The following SNX25 variants were observed in gnomAD, a reference collection of about 807,000 sequenced individuals.
SNX25 encodes the protein sorting nexin 25, also known as sorting nexin-25.
Under a neutral mutation model 113.7 loss-of-function variants are expected in SNX25, and 62 were observed. That is an observed-to-expected ratio of 0.55 (90% CI 0.44 to 0.67). The LOEUF (loss-of-function observed/expected upper bound fraction) is 0.67. Ranked by LOEUF, SNX25 falls within the 30% of genes least tolerant of loss-of-function variation. SNX25 has a pLI of 0.00. For synonymous variants in SNX25, 421 were observed against 436.2 expected (o/e 0.97, Z 0.43); for missense variants, 1,014 against 1,161.0 (o/e 0.87, Z 1.84).
chr4:185,263,233 G>GT (rs200770912), intron 3 of SNX25, among the ~76,000 whole-genome samples: 65 of 151,212 alleles, frequency 4.3e-4, no homozygotes, highest in South Asian at 1.7e-3. Flanking sequence ...TGTAAAAGTG[G>GT]TTTTTTTTTC....
At chr4:185,347,970 A>T (rs944055951) in intron 13 of SNX25, among the ~76,000 whole-genome samples, 7 of 151,830 alleles carry the variant, frequency 4.6e-5, no homozygotes, top group Admixed American at 2.0e-4. Context: ...CCACTTTATC[A>T]TTTTTTTTAT....
chr4:185,307,784 T>C (rs1160994732), intron 6 of SNX25, among the ~76,000 whole-genome samples: 1 of 152,190 alleles, frequency 6.6e-6, no homozygotes, highest in African/African-American at 2.4e-5. Flanking sequence ...TATTTATTTA[T>C]TTATTTTGCT....
chr4:185,271,813 A>G (rs1748970531), intron 5 of SNX25, among the ~76,000 whole-genome samples: 1 of 152,254 alleles, frequency 6.6e-6, no homozygotes, highest in Non-Finnish European at 1.5e-5. Flanking sequence ...GTTAGGGCGG[A>G]ATGCGCTAAA....
intron 2 of SNX25, among the ~76,000 whole-genome samples, chr4:185,250,066 TTTATC>T (rs1336883510): frequency 1.3e-5 from 2 of 152,324 alleles, no homozygotes; most frequent in Non-Finnish European, 2.9e-5. Context: ...TCTAGATTCT[TTTATC>T]TTCCTCTGAA....
intron 1 of SNX25, among the ~76,000 whole-genome samples, chr4:185,228,875 T>C (rs1214617588): frequency 6.6e-6 from 1 of 152,118 alleles, no homozygotes; most frequent in East Asian, 1.9e-4. Flanking sequence ...TTATCCCCAT[T>C]GTATGGATCA....
intron 9 of SNX25, among the ~76,000 whole-genome samples, chr4:185,330,314 C>T (rs758417490): frequency 6.6e-6 from 1 of 152,090 alleles, no homozygotes; most frequent in Non-Finnish European, 1.5e-5. Context: ...TGGCATGTCT[C>T]TGGTCAGGGA....
intron 4 of SNX25, among the ~76,000 whole-genome samples, chr4:185,266,312 T>C (rs115512049): frequency 0.028 from 4,289 of 152,244 alleles, 186 homozygotes; most frequent in African/African-American, 0.099. Flanking sequence ...TTGAGCCTTA[T>C]AAAATAAGTA....
At chr4:185,361,876 T>C in intron 16 of SNX25, 48 bp from the exon 17 acceptor site, 1 of 1,587,118 alleles carries the variant, frequency 6.3e-7, no homozygotes. Flanking sequence ...GAGAATAGAG[T>C]ACACAATTTT....
intron 1 of SNX25, among the ~76,000 whole-genome samples, chr4:185,234,773 C>T (rs1426115567): frequency 6.6e-6 from 1 of 152,062 alleles, no homozygotes; most frequent in East Asian, 1.9e-4. Context: ...TGTTAAAGCA[C>T]TTTTATGTGC....
intron 7 of SNX25, among the ~76,000 whole-genome samples, chr4:185,318,603 C>T (rs2095093937): frequency 6.6e-6 from 1 of 151,894 alleles, no homozygotes; most frequent in South Asian, 2.1e-4. Context: ...TTTGTAGATC[C>T]CTCCAATAGA....
chr4:185,272,423 G>A (rs553808295), intron 5 of SNX25, among the ~76,000 whole-genome samples: 10 of 152,228 alleles, frequency 6.6e-5, no homozygotes, highest in African/African-American at 9.6e-5. Context: ...TTATAAATGC[G>A]CGGACAGCTT....
chr4:185,223,398 A>G (rs896558053), intron 1 of SNX25, among the ~76,000 whole-genome samples: 2 of 152,216 alleles, frequency 1.3e-5, no homozygotes, highest in African/African-American at 2.4e-5. Flanking sequence ...GGTGCAGTTC[A>G]ACATGCTCCT....
Position 185,329,208 on chromosome 4 carries a change from C to T in SNX25, c.1750-3387C>T, listed in dbSNP as rs183675593. Among the ~76,000 whole-genome samples the T allele has an allele frequency of 3.9e-5, 6 of 152,184 alleles. No homozygotes were observed. The East Asian group carries it at 5.8e-4, about 15-fold the overall frequency. On this transcript the variant is annotated intron_variant, in intron 9 of 18. Coordinates refer to ENST00000652585, the MANE Select transcript of SNX25 (RefSeq NM_001378034.2). ...GTCAAAGGTGCCGTTTTCAGGCCAT[C>T]GGTTGTCATTATCTAATTTATATTG...
chr4:185,303,697 C>G (rs1754038583), intron 6 of SNX25, among the ~76,000 whole-genome samples: 1 of 149,808 alleles, frequency 6.7e-6, no homozygotes, highest in South Asian at 2.1e-4. Flanking sequence ...GCAGGGCACA[C>G]AGTGGGCACA....
intron 1 of SNX25, among the ~76,000 whole-genome samples, chr4:185,225,366 C>T (rs574983504): frequency 7.9e-5 from 12 of 152,254 alleles, no homozygotes; most frequent in African/African-American, 2.4e-4. Flanking sequence ...CCTCGTGATC[C>T]GCCCACCTCG....
In SNX25 at chr4:185,308,497, T is replaced by C. The variant is rs981966773; in HGVS notation, c.1163-2138T>C. Among the ~76,000 whole-genome samples the C allele has an allele frequency of 2.0e-5, 3 of 152,150 alleles. No homozygotes were observed. The East Asian group carries it at 5.8e-4, about 29-fold the overall frequency. On this transcript the variant is annotated intron_variant, in intron 6 of 18. Coordinates refer to ENST00000652585, the MANE Select transcript of SNX25 (RefSeq NM_001378034.2). ...AAGCCAGATAGGAGTCCTTGAAGAG[T>C]AGGAGTTGAGGATGCTCACCCTCTT...
chr4:185,251,135 C>T (rs1470034064), intron 2 of SNX25, among the ~76,000 whole-genome samples: 3 of 152,110 alleles, frequency 2.0e-5, no homozygotes, highest in African/African-American at 7.2e-5. Flanking sequence ...GCTGAGATTA[C>T]AGGCACACAC....
the SNX25 span, chr4:185,375,601 A>T: frequency 6.0e-6 from 9 of 1,494,732 alleles, no homozygotes; most frequent in Non-Finnish European, 8.2e-6. Context: ...TGTGACCAAG[A>T]CATTAACTTA....
intron 11 of SNX25, among the ~76,000 whole-genome samples, chr4:185,340,254 C>G (rs1039763979): frequency 6.6e-6 from 1 of 152,118 alleles, no homozygotes; most frequent in African/African-American, 2.4e-5. Flanking sequence ...CTGCCTTTCC[C>G]TCAAGCCAGT....
Sources: gnomAD v4.1 joint callset for allele counts (sites outside exome capture counted in the v4.1 genomes callset) on GRCh38, gnomAD v4.1.1 for gene constraint, MANE v1.5 for transcripts, NCBI Gene and HGNC (gene_info 2026-07-23, HGNC 2026-07-21) for gene names.